The following ARID3C variants were observed in gnomAD, a reference collection of about 807,000 sequenced individuals.
The protein encoded by ARID3C is AT-rich interactive domain-containing protein 3C.
A neutral mutation model predicts 37.9 loss-of-function variants in ARID3C; 42 were observed. The ratio of observed to expected loss-of-function variants is 1.11; its 90% CI spans 0.87 to 1.43. The LOEUF (loss-of-function observed/expected upper bound fraction) is 1.43. ARID3C is among the 40% of genes most tolerant of loss of function. ARID3C has a pLI of 0.00. For synonymous variants in ARID3C, 213 were observed against 228.0 expected, an observed-to-expected ratio of 0.93 and a Z score of 0.59; for missense variants, 581 against 548.8, an observed-to-expected ratio of 1.06 and a Z score of -0.59.
At chr9:34,632,943 G>A (rs2132318765), upstream of ARID3C, among the ~76,000 whole-genome samples, 1 of 152,226 alleles carries the variant, frequency 6.6e-6, no homozygotes, top group Middle Eastern at 3.4e-3. Context: ...TAGAAGTCAA[G>A]ATATATAGAT....
At chr9:34,624,803 C>T (rs1283069109) in intron 2 of ARID3C, among the ~76,000 whole-genome samples, 1 of 152,202 alleles carries the variant, frequency 6.6e-6, no homozygotes, top group Non-Finnish European at 1.5e-5. Context: ...CGCGGGACCC[C>T]CTCCCCCTGC....
exon 3 of ARID3C, chr9:34,623,967 C>T: frequency 6.2e-7 from 1 of 1,605,376 alleles, no homozygotes; most frequent in South Asian, 1.1e-5. Flanking sequence ...ACCAGGCCGC[C>T]CTTGGCGGTC....
intron 4 of ARID3C, 146 bp downstream of exon 5, chr9:34,623,279 C>T (rs1820602181): frequency 1.0e-6 from 1 of 1,004,266 alleles, no homozygotes; most frequent in African/African-American, 1.7e-5. Context: ...TTAGTGACCC[C>T]CAAACCTCAG....
chr9:34,629,370 T>C (rs1026898373), upstream of ARID3C, among the ~76,000 whole-genome samples: 2 of 152,244 alleles, frequency 1.3e-5, no homozygotes, highest in African/African-American at 2.4e-5. Context: ...ACACACCTTG[T>C]CACAAGTTCA....
chr9:34,629,839 G>A (rs913085178), upstream of ARID3C, among the ~76,000 whole-genome samples: 9 of 151,734 alleles, frequency 5.9e-5, no homozygotes, highest in Non-Finnish European at 1.5e-5. Flanking sequence ...TGCAGCCTCC[G>A]CCTCCCAGGT....
upstream of ARID3C, among the ~76,000 whole-genome samples, chr9:34,629,311 C>T (rs1179896450): frequency 1.3e-5 from 2 of 152,046 alleles, no homozygotes; most frequent in Non-Finnish European, 2.9e-5. Context: ...CCCCGACACC[C>T]ACACTCGGCA....
At chr9:34,629,671 G>A (rs896855127), upstream of ARID3C, among the ~76,000 whole-genome samples, 1 of 152,182 alleles carries the variant, frequency 6.6e-6, no homozygotes, top group Non-Finnish European at 1.5e-5. Context: ...CACACTCACC[G>A]CATGCAGATA....
At chr9:34,632,356 T>C (rs1820729868), upstream of ARID3C, among the ~76,000 whole-genome samples, 1 of 152,060 alleles carries the variant, frequency 6.6e-6, no homozygotes. Context: ...TGGGTTGGAA[T>C]AGGGGGGCTG....
chr9:34,631,198 G>A (rs1159269171), upstream of ARID3C, among the ~76,000 whole-genome samples: 4 of 152,182 alleles, frequency 2.6e-5, no homozygotes, highest in African/African-American at 7.2e-5. Flanking sequence ...TTGGCTTGGG[G>A]AAATTCCAGT....
chr9:34,627,990 C>T, exon 1 of ARID3C: 1 of 1,511,504 alleles, frequency 6.6e-7, no homozygotes, highest in Non-Finnish European at 8.9e-7. Flanking sequence ...AGCCGAGCTG[C>T]CTGCTGCTTC....
intron 1 of ARID3C, among the ~76,000 whole-genome samples, chr9:34,627,347 C>A (rs980657754): frequency 1.3e-5 from 2 of 152,144 alleles, no homozygotes; most frequent in Admixed American, 6.5e-5. Context: ...CCCTAGACTG[C>A]CTTCCCTACA....
intron 2 of ARID3C, among the ~76,000 whole-genome samples, chr9:34,625,046 G>A (rs1004969605): frequency 6.6e-6 from 1 of 150,530 alleles, no homozygotes; most frequent in African/African-American, 2.4e-5. Flanking sequence ...AAGTGGGCCA[G>A]CAGCTGCACT....
chr9:34,628,856 G>C (rs888556507), upstream of ARID3C, among the ~76,000 whole-genome samples: 4 of 152,140 alleles, frequency 2.6e-5, no homozygotes, highest in Admixed American at 2.6e-4. This position sits in a 1 kb window ranked among gnomAD's most constrained non-coding sequence, Gnocchi z 5.2. Context: ...CGGACGGGCA[G>C]GAGGCGGCAG....
upstream of ARID3C, among the ~76,000 whole-genome samples, chr9:34,631,289 A>C (rs1587220722): frequency 1.3e-5 from 2 of 152,304 alleles, no homozygotes; most frequent in Middle Eastern, 6.8e-3. Flanking sequence ...CTCCCAAATC[A>C]ATCAAGCAAA....
chr9:34,624,983 C>T (rs1470284475), intron 2 of ARID3C, among the ~76,000 whole-genome samples: 1 of 151,930 alleles, frequency 6.6e-6, no homozygotes, highest in African/African-American at 2.4e-5. Context: ...ACTGAGGGTC[C>T]CTGGGAAGGT....
At chr9:34,624,016 C>A (rs756119908) in exon 3 of ARID3C, 31 of 1,598,312 alleles carry the variant, frequency 1.9e-5, no homozygotes, top group Non-Finnish European at 2.6e-5. Context: ...GCACCTGCTT[C>A]GCCATGATGG....
intron 4 of ARID3C, among the ~76,000 whole-genome samples, chr9:34,623,196 C>T (rs1240291609): frequency 1.3e-5 from 2 of 150,894 alleles, no homozygotes; most frequent in Admixed American, 6.6e-5. Context: ...TTTTCCTGAA[C>T]TTCAGCCCCT....
chr9:34,621,721 A>G (rs537620651), intron 6 of ARID3C, among the ~76,000 whole-genome samples, 163 bp from the exon 8 acceptor site: 2 of 151,916 alleles, frequency 1.3e-5, no homozygotes, highest in Admixed American at 6.6e-5. Context: ...TCAGTAAGAG[A>G]CTCCATTGCT....
At chr9:34,628,224 A>C, upstream of ARID3C, 1 of 592,242 alleles carries the variant, frequency 1.7e-6, no homozygotes, top group Non-Finnish European at 2.7e-6. The surrounding 1 kb of genome is among the most constrained non-coding windows in gnomAD (Gnocchi z 5.2). Flanking sequence ...AGAGGTGAAC[A>C]GAAACAGGAC....
Sources: allele counts gnomAD v4.1 joint callset (sites outside exome capture counted in the v4.1 genomes callset), GRCh38; gene constraint gnomAD v4.1.1; non-coding constraint Gnocchi (gnomAD v3.1); transcripts MANE v1.5; gene names NCBI Gene and HGNC (gene_info 2026-07-23, HGNC 2026-07-21).